BEAN1: variants seen among roughly 807,000 people sequenced by gnomAD.
BEAN1 encodes the protein protein BEAN1.
A neutral mutation model predicts 17.7 loss-of-function variants in BEAN1; 17 were observed. That is an observed-to-expected ratio of 0.96 (90% CI 0.66 to 1.44). BEAN1 has a LOEUF of 1.44. Among genes scored for constraint, BEAN1 ranks in the 40% most tolerant of loss-of-function variants. BEAN1 has a pLI of 0.00. For synonymous variants in BEAN1, 142 were observed against 151.8 expected (o/e 0.94, Z 0.47); for missense variants, 359 against 374.1 (o/e 0.96, Z 0.33).
chr16:66,468,597 C>A (rs1963346329), intron 2 of BEAN1, among the ~76,000 whole-genome samples: 1 of 152,188 alleles, frequency 6.6e-6, no homozygotes, highest in Non-Finnish European at 1.5e-5. Context: ...CGTGGAGTAA[C>A]TGAGCAACCA....
chr16:66,444,231 C>T (rs1004776659), intron 2 of BEAN1, among the ~76,000 whole-genome samples: 2 of 152,172 alleles, frequency 1.3e-5, no homozygotes, highest in African/African-American at 4.8e-5. Flanking sequence ...CTGAGCTCTT[C>T]CCCAGAGCTC....
intron 2 of BEAN1, among the ~76,000 whole-genome samples, chr16:66,469,077 T>C (rs1963365671): frequency 6.6e-6 from 1 of 152,008 alleles, no homozygotes; most frequent in South Asian, 2.1e-4. Flanking sequence ...TGGGAAACCT[T>C]CTCTCATCTG....
rs895589963 is a variant in BEAN1, at chr16:66,427,794, A to G, written c.-83+363A>G. 1.3e-5 allele frequency: 2 copies of G among 152,198 alleles called. No individual in the cohort carries two copies. Among genetic ancestry groups the G allele is most frequent in the South Asian group, 4.1e-4 (2 of 4,824 alleles). 9.4% of individuals were successfully genotyped at this position (152,198 alleles called of 1,614,324 possible). ...TTGGGGAACCCAAGACAGCCTCCCC[A>G]GCAGCTTGCCCTCGGTTTCGGGGAC... On this transcript the variant is annotated intron_variant, in intron 1 of 4. Transcript: ENST00000536005. The surrounding 1 kb of genome is among the most constrained non-coding windows in gnomAD (Gnocchi z 4.7).
At chr16:66,485,964 C>T (rs1295204282), downstream of BEAN1, 4 of 152,246 alleles carry the variant, frequency 2.6e-5, no homozygotes, top group Non-Finnish European at 5.9e-5. Context: ...CCAAGTCAGG[C>T]ATGGCTGGAT....
intron 2 of BEAN1, among the ~76,000 whole-genome samples, chr16:66,441,946 G>A (rs1264462176): frequency 6.6e-6 from 1 of 152,208 alleles, no homozygotes; most frequent in African/African-American, 2.4e-5. Flanking sequence ...CCCTCATGGA[G>A]ATAGTGCCAG....
Position 66,469,772 on chromosome 16 carries a change from C to T in BEAN1, c.196C>T (p.Arg66Trp), listed in dbSNP as rs748550493. ...CAGCATCCGCAGGGACAGGCAGGCC[C>T]GGCTTCAGCGGCACCGCCACCGCCA... ...VGSIRRDRQA[R>W]LQRHRHRHHR... The change falls in exon 3 of 5, where the codon CGG becomes TGG. Residue 66 changes from arginine to tryptophan, a missense_variant. Physicochemically the swap from Arg to Trp is moderately radical, Grantham distance 101. Coordinates refer to ENST00000536005, the MANE Select transcript of BEAN1 (RefSeq NM_001178020.3). 19 of 1,535,954 alleles carry T rather than the reference C, an allele frequency of 1.2e-5. No homozygotes were observed. Among genetic ancestry groups the T allele is most frequent in the Middle Eastern group, 1.7e-4 (1 of 5,998 alleles).
intron 2 of BEAN1, among the ~76,000 whole-genome samples, chr16:66,466,190 G>A (rs927327092): frequency 6.6e-6 from 1 of 152,214 alleles, no homozygotes; most frequent in Admixed American, 6.5e-5. Flanking sequence ...AATTACTCAG[G>A]AGGCTGAGGC....
In BEAN1 at chr16:66,481,118, G is replaced by A. The variant is rs1340606124; in HGVS notation, c.*193G>A. 4.1e-6 allele frequency: 2 copies of A among 488,156 alleles called. No homozygotes were observed. Among genetic ancestry groups the A allele is most frequent in the Non-Finnish European group, 7.0e-6 (2 of 283,922 alleles). The allele number at this position is 488,156 out of a possible 1,614,324, so 30.2% of individuals were successfully genotyped here. On this transcript the variant is annotated 3_prime_UTR_variant, in exon 5 of 5. Coordinates refer to ENST00000536005, the MANE Select transcript of BEAN1 (RefSeq NM_001178020.3). This position sits in a 1 kb window ranked among gnomAD's most constrained non-coding sequence, Gnocchi z 4.1. The stretch of plus-strand genomic sequence containing the variant: ...ACAGATCTAGACGTGCTCCACATAT[G>A]TGTGAATATGCGCACATACAGGCCT...
intron 2 of BEAN1, among the ~76,000 whole-genome samples, chr16:66,463,707 T>C (rs945734604): frequency 8.5e-5 from 13 of 152,226 alleles, no homozygotes; most frequent in African/African-American, 2.7e-4. Flanking sequence ...ATTTGCCAAA[T>C]CCAAAATCAT....
At chr16:66,474,545 A>AGAGGGAGGGAGAGAGGGAGG (rs1567504891) in intron 3 of BEAN1, among the ~76,000 whole-genome samples, 9 of 91,202 alleles carry the variant, frequency 9.9e-5, no homozygotes, top group South Asian at 4.4e-4. Context: ...GGAAGAAGAA[A>AGAGGGAGGGAGAGAGGGAGG]GAGGGAGGGA....
chr16:66,484,909 CCAAATGGG>C (rs1295044596), downstream of BEAN1: 17 of 454,016 alleles, frequency 3.7e-5, no homozygotes, highest in Non-Finnish European at 7.5e-5. This position sits in a 1 kb window ranked among gnomAD's most constrained non-coding sequence, Gnocchi z 4.2. Flanking sequence ...CTTGTGGAGG[CCAAATGGG>C]CTCCTCTGGC....
At chr16:66,437,722 C>T (rs1962084945) in intron 2 of BEAN1, 21 bp downstream of exon 2, 2 of 1,532,296 alleles carry the variant, frequency 1.3e-6, no homozygotes, top group Non-Finnish European at 1.7e-6. Context: ...TCCCCACATC[C>T]TTCCACCACT....
rs1961624940 is a variant in BEAN1, at chr16:66,427,511, T to C, written c.-83+80T>C. 6.6e-6 allele frequency: 1 copy of C among 150,900 alleles called. No individual in the cohort carries two copies. Among genetic ancestry groups the C allele is most frequent in the Non-Finnish European group, 1.5e-5 (1 of 67,654 alleles). 9.3% of individuals were successfully genotyped at this position (150,900 alleles called of 1,614,324 possible). On this transcript the variant is annotated intron_variant, in intron 1 of 4. Coordinates refer to ENST00000536005, the MANE Select transcript of BEAN1 (RefSeq NM_001178020.3). The surrounding 1 kb of genome is among the most constrained non-coding windows in gnomAD (Gnocchi z 4.7). ...CCCATTCCCCCGCGCTCTGCGGTGGTACCGGCGAACGACACACCCGGGGGC... is the reference window on the plus strand; with the variant it reads ...CCCATTCCCCCGCGCTCTGCGGTGGCACCGGCGAACGACACACCCGGGGGC...
intron 4 of BEAN1, among the ~76,000 whole-genome samples, chr16:66,489,377 C>T (rs1964134053): frequency 6.6e-6 from 1 of 152,118 alleles, no homozygotes; most frequent in Non-Finnish European, 1.5e-5. Flanking sequence ...CCTCTCCAAC[C>T]CTCTTTGACC....
intron 3 of BEAN1, chr16:66,475,589 C>T (rs1204153580): frequency 6.6e-6 from 1 of 152,262 alleles, no homozygotes; most frequent in Non-Finnish European, 1.5e-5. Flanking sequence ...CCTGGTTCAA[C>T]TTCCAGTCTC....
At chr16:66,484,828 G>A (rs756005313), downstream of BEAN1, 18 of 454,114 alleles carry the variant, frequency 4.0e-5, no homozygotes, top group East Asian at 2.8e-4. The surrounding 1 kb of genome is among the most constrained non-coding windows in gnomAD (Gnocchi z 4.2). Context: ...TGGGAGAGAC[G>A]GGTTGTTTGT....
Position 66,481,040 on chromosome 16 carries a change from G to T in BEAN1, c.*115G>T. On this transcript the variant is annotated 3_prime_UTR_variant, in exon 5 of 5. Coordinates refer to ENST00000536005, the MANE Select transcript of BEAN1 (RefSeq NM_001178020.3). This position sits in a 1 kb window ranked among gnomAD's most constrained non-coding sequence, Gnocchi z 4.1. ...ACACGTGACTCATAACACACACATA[G>T]ACCAAACTTGTATACACACAGACAT... 1.2e-6 allele frequency: 1 copy of T among 820,016 alleles called. No homozygotes were observed. Among genetic ancestry groups the T allele is most frequent in the South Asian group, 2.7e-5 (1 of 37,180 alleles). 50.8% of individuals were successfully genotyped at this position (820,016 alleles called of 1,614,324 possible).
downstream of BEAN1, among the ~76,000 whole-genome samples, chr16:66,494,291 C>T (rs1230424783): frequency 2.0e-5 from 3 of 152,136 alleles, no homozygotes; most frequent in East Asian, 3.9e-4. Context: ...AGCCAATCTG[C>T]TAACCCCAAA....
chr16:66,459,033 G>A (rs187659737), intron 2 of BEAN1, among the ~76,000 whole-genome samples: 46 of 152,352 alleles, frequency 3.0e-4, no homozygotes, highest in Middle Eastern at 3.4e-3. Context: ...ACTAATTGGA[G>A]AGGCTAAGGA....
Sources: allele counts gnomAD v4.1 joint callset (sites outside exome capture counted in the v4.1 genomes callset), GRCh38; gene constraint gnomAD v4.1.1; non-coding constraint Gnocchi (gnomAD v3.1); transcripts MANE v1.5; gene names NCBI Gene and HGNC (gene_info 2026-07-23, HGNC 2026-07-21).